The following MAN1A2 variants were observed in gnomAD, a reference collection of about 807,000 sequenced individuals.
MAN1A2 encodes the protein mannosidase alpha class 1A member 2.
A neutral mutation model predicts 75.7 loss-of-function variants in MAN1A2; 26 were observed. The observed-to-expected ratio is 0.34, with a 90% CI of 0.25 to 0.48. The LOEUF (loss-of-function observed/expected upper bound fraction) is 0.48. Among genes scored for constraint, MAN1A2 ranks in the 20% least tolerant of loss-of-function variants. MAN1A2 has a pLI of 0.99. For missense variants in MAN1A2, 562 were observed against 775.5 expected (o/e 0.72, Z 3.27); for synonymous variants, 247 against 264.6 (o/e 0.93, Z 0.65).
At chr1:117,508,669 T>C (rs974470857) in intron 12 of MAN1A2, among the ~76,000 whole-genome samples, 4 of 151,642 alleles carry the variant, frequency 2.6e-5, no homozygotes, top group African/African-American at 9.7e-5. Context: ...AATGGTTAAG[T>C]AAATTATGGC....
At chr1:117,480,538 C>T (rs942763368) in intron 8 of MAN1A2, among the ~76,000 whole-genome samples, 2 of 151,596 alleles carry the variant, frequency 1.3e-5, no homozygotes, top group African/African-American at 2.4e-5. Flanking sequence ...GCCAGAAGCA[C>T]TTTTTTAAAA....
intron 12 of MAN1A2, among the ~76,000 whole-genome samples, chr1:117,504,647 T>C (rs1415405076): frequency 1.3e-5 from 2 of 151,484 alleles, no homozygotes; most frequent in South Asian, 2.1e-4. Context: ...ATGTACTTTA[T>C]TTTTGTTTAA....
intron 1 of MAN1A2, among the ~76,000 whole-genome samples, chr1:117,382,269 C>T (rs1348024572): frequency 1.3e-5 from 2 of 152,170 alleles, no homozygotes; most frequent in African/African-American, 4.8e-5. Flanking sequence ...TGCCTATGTC[C>T]TGAATGTAAT....
intron 3 of MAN1A2, among the ~76,000 whole-genome samples, chr1:117,413,063 T>C (rs1337232077): frequency 2.0e-5 from 3 of 151,962 alleles, no homozygotes; most frequent in Non-Finnish European, 4.4e-5. Flanking sequence ...AGAGAATACA[T>C]ATTCAAGAAT....
intron 2 of MAN1A2, among the ~76,000 whole-genome samples, chr1:117,404,832 A>T (rs1008840203): frequency 3.9e-5 from 6 of 152,052 alleles, no homozygotes; most frequent in Non-Finnish European, 7.4e-5. Context: ...AAGTGGGCGG[A>T]TCATGAGGTC....
chr1:117,469,639 A>C (rs1399125909), intron 8 of MAN1A2, among the ~76,000 whole-genome samples: 2 of 152,134 alleles, frequency 1.3e-5, no homozygotes, highest in Non-Finnish European at 2.9e-5. Flanking sequence ...CTACAACTCA[A>C]CAACAGAAGG....
At position 117,442,316 on chromosome 1, in the gene MAN1A2, A is replaced by G. The variant is rs776557571; in HGVS notation, c.941A>G (p.Asn314Ser). The change falls in exon 6 of 13, where the codon AAT (asparagine) becomes AGT (serine). Residue 314 changes from asparagine (N) to serine (S), a missense_variant. Coordinates refer to ENST00000356554, the MANE Select transcript of MAN1A2 (RefSeq NM_006699.5). ...TPTGIPWAMV[N>S]LKSGVGRNWG... is the part of the protein sequence containing the mutation. ...ACTGGGATTCCTTGGGCAATGGTGA[A>G]TTTGAAAAGGTAACTCTATGTGGGT... 1 of 1,605,028 alleles carries G rather than the reference A, an allele frequency of 6.2e-7. No homozygotes were observed.
chr1:117,498,360 ATT>A (rs1651098592), intron 10 of MAN1A2, among the ~76,000 whole-genome samples: 1 of 151,902 alleles, frequency 6.6e-6, no homozygotes, highest in Non-Finnish European at 1.5e-5. Context: ...AAATAATTGA[ATT>A]TCATATAGCA....
intron 8 of MAN1A2, 125 bp from the exon 9 acceptor site, chr1:117,493,022 G>C: frequency 1.7e-6 from 1 of 602,808 alleles, no homozygotes; most frequent in Non-Finnish European, 3.0e-6. Context: ...GTTGGAAATA[G>C]GGTTGTCAAT....
intron 8 of MAN1A2, among the ~76,000 whole-genome samples, chr1:117,472,551 A>G (rs576899802): frequency 1.3e-4 from 20 of 152,168 alleles, no homozygotes; most frequent in African/African-American, 4.6e-4. Flanking sequence ...AAACAAATAC[A>G]TGATGTGATG....
chr1:117,398,313 T>G (rs1647287751), intron 1 of MAN1A2, among the ~76,000 whole-genome samples: 1 of 151,862 alleles, frequency 6.6e-6, no homozygotes, highest in Non-Finnish European at 1.5e-5. Flanking sequence ...ATTGTAAGAG[T>G]GTTTTAAGCG....
intron 7 of MAN1A2, among the ~76,000 whole-genome samples, chr1:117,462,004 C>T (rs1649838538): frequency 6.6e-6 from 1 of 152,218 alleles, no homozygotes; most frequent in African/African-American, 2.4e-5. Context: ...AACAGACTGA[C>T]AAACAGAATA....
intron 3 of MAN1A2, among the ~76,000 whole-genome samples, chr1:117,411,433 T>A (rs1040733234): frequency 6.6e-6 from 1 of 151,760 alleles, no homozygotes. Flanking sequence ...GAAAAATGGA[T>A]CACAGAGCTA....
At position 117,367,908 on chromosome 1, in the gene MAN1A2, A is replaced by G. The variant is rs1570684998; in HGVS notation, c.-276A>G. On this transcript the variant is annotated 5_prime_UTR_variant, in exon 1 of 13. Coordinates refer to ENST00000356554, the MANE Select transcript of MAN1A2 (RefSeq NM_006699.5). ...GTGGCTTGCCTGATCTACCCCTAGG[A>G]ATGAAGAGGAGGCTTGTAATAATCC... 2 of 364,180 alleles carry G rather than the reference A, an allele frequency of 5.5e-6. No homozygotes were observed. Among genetic ancestry groups the G allele is most frequent in the Middle Eastern group, 7.4e-4 (1 of 1,344 alleles). The allele number at this position is 364,180 out of a possible 1,614,324, so 22.6% of individuals were successfully genotyped here. A position where few individuals can be genotyped will look rare whatever the true frequency, so the allele number is the denominator to read the frequency against.
intron 1 of MAN1A2, among the ~76,000 whole-genome samples, chr1:117,385,776 G>A (rs1302088720): frequency 1.3e-5 from 2 of 152,116 alleles, no homozygotes; most frequent in Non-Finnish European, 2.9e-5. Flanking sequence ...ATGCAGAAAA[G>A]GTATTTATTG....
intron 5 of MAN1A2, among the ~76,000 whole-genome samples, chr1:117,430,165 G>T: frequency 1.1e-5 from 1 of 92,306 alleles, no homozygotes; most frequent in Non-Finnish European, 2.2e-5. Flanking sequence ...GCCGGGCAGA[G>T]GCGCCCCTCA....
Position 117,493,276 on chromosome 1 carries a change from G to T in MAN1A2, c.1284+14G>T, listed in dbSNP as rs368447338. 1 of 1,527,420 alleles carries T rather than the reference G, an allele frequency of 6.5e-7. No homozygotes were observed. The highest frequency in any genetic ancestry group is 9.1e-7 in the Non-Finnish European group (1 of 1,102,580). 94.6% of individuals were successfully genotyped at this position (1,527,420 alleles called of 1,614,324 possible). On this transcript the variant is annotated intron_variant, in intron 9 of 12. Transcript: ENST00000356554. ...GATGCTATTGAGGTGATTATTTCCAGAACATTTTTCTACTTAATGGATTGA... is the reference window on the plus strand; with the variant it reads ...GATGCTATTGAGGTGATTATTTCCATAACATTTTTCTACTTAATGGATTGA...
chr1:117,460,504 CTG>C lies in MAN1A2; in HGVS notation c.967_968del (p.Trp323GlyfsTer7). 1 of 1,612,106 alleles carries C rather than the reference CTG, an allele frequency of 6.2e-7. No homozygotes were observed. Among genetic ancestry groups the C allele is most frequent in the Non-Finnish European group, 8.5e-7 (1 of 1,179,108 alleles). ...TTTCATTCAGTGGAGTAGGGCGAAA[CTG>C]GGGCTGGGCATCTGCAGGTAGCAGC... ...VNLKSGVGRN[W>X]GWASAGSSIL... is the part of the protein sequence containing the mutation. On this transcript the variant is annotated frameshift_variant, in exon 7 of 13. Coordinates refer to ENST00000356554, the MANE Select transcript of MAN1A2 (RefSeq NM_006699.5). LOFTEE classifies it high-confidence loss of function.
intron 4 of MAN1A2, among the ~76,000 whole-genome samples, chr1:117,418,109 T>G (rs1385006903): frequency 6.6e-6 from 1 of 152,118 alleles, no homozygotes; most frequent in Admixed American, 6.6e-5. Context: ...TTATGTGTCA[T>G]TGTTGTCTAG....
Sources: gnomAD v4.1 joint callset for allele counts (sites outside exome capture counted in the v4.1 genomes callset) on GRCh38, gnomAD v4.1.1 for gene constraint, MANE v1.5 for transcripts, NCBI Gene and HGNC (gene_info 2026-07-23, HGNC 2026-07-21) for gene names.